The following GRIK4 variants were observed in gnomAD, a reference collection of about 807,000 sequenced individuals.
The protein encoded by GRIK4 is glutamate receptor ionotropic, kainate 4.
Under a neutral mutation model 104.9 loss-of-function variants are expected in GRIK4, and 40 were observed. That is an observed-to-expected ratio of 0.38 (90% CI 0.30 to 0.50). GRIK4 has a LOEUF of 0.50. GRIK4 is among the 20% of genes least tolerant of loss of function. The probability of loss-of-function intolerance (pLI) is 0.93; values close to 1 mark genes in which losing one functional copy is unlikely to be tolerated. For missense variants in GRIK4, 1,047 were observed against 1,308.1 expected (o/e 0.80, Z 3.08); for synonymous variants, 485 against 524.9 (o/e 0.92, Z 1.04).
intron 14 of GRIK4, among the ~76,000 whole-genome samples, chr11:120,941,583 G>A (rs948741457): frequency 6.6e-6 from 1 of 152,176 alleles, no homozygotes; most frequent in African/African-American, 2.4e-5. Flanking sequence ...ATGTACTCAA[G>A]TGAAGGTGCA....
At chr11:120,954,677 C>T (rs776955261) in intron 15 of GRIK4, among the ~76,000 whole-genome samples, 1 of 151,920 alleles carries the variant, frequency 6.6e-6, no homozygotes, top group Non-Finnish European at 1.5e-5. Context: ...GCTGCCCCTC[C>T]TCCCTCCCCT....
chr11:120,779,002 C>T (rs1000542144), intron 3 of GRIK4, among the ~76,000 whole-genome samples: 7 of 152,158 alleles, frequency 4.6e-5, no homozygotes, highest in Admixed American at 2.0e-4. Flanking sequence ...TCTGAGAGCA[C>T]CTTGACTGCT....
intron 11 of GRIK4, among the ~76,000 whole-genome samples, chr11:120,885,333 T>C (rs1234534404): frequency 1.3e-5 from 2 of 152,082 alleles, no homozygotes; most frequent in African/African-American, 4.8e-5. Context: ...TGTGAGATTT[T>C]CAACTATGCA....
intron 13 of GRIK4, among the ~76,000 whole-genome samples, chr11:120,935,421 A>T (rs997203981): frequency 1.3e-5 from 2 of 151,608 alleles, no homozygotes; most frequent in African/African-American, 4.9e-5. Context: ...GTGGTGGTGC[A>T]CACCTGTATT....
intron 6 of GRIK4, among the ~76,000 whole-genome samples, chr11:120,828,952 C>T (rs1042548968): frequency 6.6e-6 from 1 of 152,170 alleles, no homozygotes; most frequent in African/African-American, 2.4e-5. Context: ...AAAGCATCCC[C>T]GGCAGCCTCT....
intron 1 of GRIK4, among the ~76,000 whole-genome samples, chr11:120,615,179 A>G (rs757871304): frequency 6.6e-6 from 1 of 152,184 alleles, no homozygotes; most frequent in Non-Finnish European, 1.5e-5. Flanking sequence ...TATTTGAGGC[A>G]ACTGAGGCAG....
At chr11:120,531,222 C>T (rs575212077) in intron 1 of GRIK4, among the ~76,000 whole-genome samples, 1 of 152,226 alleles carries the variant, frequency 6.6e-6, no homozygotes, top group Non-Finnish European at 1.5e-5. Flanking sequence ...TACCCTACAA[C>T]CTCTTTCATA....
At chr11:120,595,729 C>T (rs1948791947) in intron 1 of GRIK4, among the ~76,000 whole-genome samples, 1 of 152,248 alleles carries the variant, frequency 6.6e-6, no homozygotes, top group Admixed American at 6.5e-5. Context: ...TAGGTCTCAG[C>T]TGAGCTTCCA....
intron 11 of GRIK4, among the ~76,000 whole-genome samples, chr11:120,892,468 T>C (rs1185927374): frequency 6.6e-6 from 1 of 152,084 alleles, no homozygotes; most frequent in Admixed American, 6.5e-5. Context: ...GTGGGGATTT[T>C]GATTAGGGTG....
chr11:120,851,681 C>T (rs1953977475), intron 8 of GRIK4, among the ~76,000 whole-genome samples: 1 of 152,164 alleles, frequency 6.6e-6, no homozygotes, highest in South Asian at 2.1e-4. Context: ...AGCTGAAAAT[C>T]TGTTATGCAT....
chr11:120,591,459 C>G (rs1433652757), intron 1 of GRIK4, among the ~76,000 whole-genome samples: 1 of 152,122 alleles, frequency 6.6e-6, no homozygotes, highest in Non-Finnish European at 1.5e-5. Flanking sequence ...ATCCCATGTT[C>G]ACTCTTCCTC....
intron 3 of GRIK4, among the ~76,000 whole-genome samples, chr11:120,681,957 T>C (rs553749751): frequency 1.3e-5 from 2 of 152,250 alleles, no homozygotes; most frequent in South Asian, 2.1e-4. Flanking sequence ...GATGATGAGA[T>C]AATTCATAAA....
chr11:120,820,134 A>G (rs1209563037), intron 6 of GRIK4, among the ~76,000 whole-genome samples: 1 of 151,840 alleles, frequency 6.6e-6, no homozygotes, highest in Non-Finnish European at 1.5e-5. Context: ...AGAAAGAGAA[A>G]AAGAGAGAAA....
rs966033667 is a variant in GRIK4 at position 120,953,528 on chromosome 11, G to A, written c.1700+564G>A. 1.3e-5 allele frequency among the ~76,000 whole-genome samples: 2 copies of A among 152,204 alleles called. No individual in the cohort carries two copies. The highest frequency in any genetic ancestry group is 4.8e-5 in the African/African-American group (2 of 41,438). ...TGCCTTGTCGAATGGGAACCATGGA[G>A]GCTGCTGGCGGGTGGCAAGGAGACG... is the stretch of plus-strand genomic sequence containing the variant. On this transcript the variant is annotated intron_variant, in intron 15 of 20. Coordinates refer to ENST00000527524, the MANE Select transcript of GRIK4 (RefSeq NM_014619.5). This position sits in a 1 kb window ranked among gnomAD's most constrained non-coding sequence, Gnocchi z 4.9.
intron 19 of GRIK4, among the ~76,000 whole-genome samples, chr11:120,970,748 TTTC>T (rs1737578509): frequency 6.6e-6 from 1 of 152,146 alleles, no homozygotes; most frequent in African/African-American, 2.4e-5. Context: ...CCAAGGACCC[TTTC>T]TTTTGTTCAT....
intron 3 of GRIK4, among the ~76,000 whole-genome samples, chr11:120,737,789 A>G (rs573828268): frequency 6.6e-6 from 1 of 152,066 alleles, no homozygotes; most frequent in Admixed American, 6.5e-5. Flanking sequence ...GGATGAGGAC[A>G]TGGGGGGCTT....
At position 120,524,710 on chromosome 11, in the gene GRIK4, T is replaced by C. The variant is rs1194660610; in HGVS notation, c.-159+12823T>C. On this transcript the variant is annotated intron_variant, in intron 1 of 20. Coordinates refer to ENST00000527524, the MANE Select transcript of GRIK4 (RefSeq NM_014619.5). This position sits in a 1 kb window ranked among gnomAD's most constrained non-coding sequence, Gnocchi z 4.5. ...GCTGCCATGAGTCAGGAGGAGGCTCTGGGAACATGGATTGGACCTGGGGTG... is the reference window on the plus strand; with the variant it reads ...GCTGCCATGAGTCAGGAGGAGGCTCCGGGAACATGGATTGGACCTGGGGTG... 2.6e-5 allele frequency among the ~76,000 whole-genome samples: 4 copies of C among 152,190 alleles called. No individual in the cohort carries two copies. The highest frequency in any genetic ancestry group is 4.4e-5 in the Non-Finnish European group (3 of 68,018).
chr11:120,551,564 C>T (rs1001903100), intron 1 of GRIK4, among the ~76,000 whole-genome samples: 1 of 151,996 alleles, frequency 6.6e-6, no homozygotes. Context: ...GCAGATTGCT[C>T]GATACCAGGA....
chr11:120,674,395 G>A (rs1006860688), intron 3 of GRIK4, among the ~76,000 whole-genome samples: 10 of 152,176 alleles, frequency 6.6e-5, no homozygotes, highest in African/African-American at 2.4e-4. Flanking sequence ...ATCTCGACAC[G>A]TGCCTATAAA....
Sources: gnomAD v4.1 joint callset for allele counts (sites outside exome capture counted in the v4.1 genomes callset) on GRCh38, gnomAD v4.1.1 for gene constraint, Gnocchi (gnomAD v3.1) non-coding constraint, MANE v1.5 for transcripts, NCBI Gene and HGNC (gene_info 2026-07-23, HGNC 2026-07-21) for gene names.